The following SFTPD variants were observed in gnomAD, a reference collection of about 807,000 sequenced individuals.
SFTPD encodes the protein surfactant protein D.
In SFTPD, 18 loss-of-function variants were observed where a neutral mutation model predicts 34.6. The observed-to-expected ratio is 0.52, with a 90% CI of 0.36 to 0.77. SFTPD has a LOEUF of 0.77. SFTPD is among the 30% of genes least tolerant of loss of function. The pLI, the probability that SFTPD is intolerant of heterozygous loss-of-function variation, is 0.00. For synonymous variants in SFTPD, 155 were observed against 180.9 expected, an observed-to-expected ratio of 0.86 and a Z score of 1.15; for missense variants, 433 against 468.9, an observed-to-expected ratio of 0.92 and a Z score of 0.71.
At chr10:79,952,429 A>C (rs1213786241), upstream of SFTPD, among the ~76,000 whole-genome samples, 1 of 152,108 alleles carries the variant, frequency 6.6e-6, no homozygotes, top group East Asian at 1.9e-4. Context: ...CTGGTGCAGA[A>C]CCACACTCCT....
chr10:79,950,931 C>A (rs1842706244), upstream of SFTPD: 1 of 151,938 alleles, frequency 6.6e-6, no homozygotes, highest in African/African-American at 2.4e-5. Flanking sequence ...AAATGACTGG[C>A]CTTCAGGCTC....
At chr10:79,977,634 G>C (rs1842870229) in intron 1 of SFTPD, among the ~76,000 whole-genome samples, 1 of 152,192 alleles carries the variant, frequency 6.6e-6, no homozygotes, top group Non-Finnish European at 1.5e-5. Context: ...TCAGGTATCT[G>C]TGGTGAAAGA....
At chr10:79,954,039 T>A (rs10788321), upstream of SFTPD, among the ~76,000 whole-genome samples, 22,154 of 151,768 alleles carry the variant, frequency 0.15, 2,040 homozygotes, top group East Asian at 0.41. Flanking sequence ...TTCTTTGTTA[T>A]ACTTCTAATT....
At chr10:79,953,199 C>G (rs1842720699), upstream of SFTPD, among the ~76,000 whole-genome samples, 1 of 152,200 alleles carries the variant, frequency 6.6e-6, no homozygotes, top group Non-Finnish European at 1.5e-5. Flanking sequence ...CTCTACTTGT[C>G]TTTATAATTA....
chr10:79,937,960 C>G lies in SFTPD; in HGVS notation c.1020G>C (p.Gly340=). ...CTGACCCGCCATCATCGTTGGGCTC[C>G]CCTGGGGCCCAGTTGGAATAGACCA... ...ESLVYSNWAP[G]EPNDDGGSED... is the part of the protein sequence containing the mutation. The change falls in exon 8 of 8, where the codon GGG becomes GGC. Residue 340 remains glycine, a synonymous_variant. Transcript: ENST00000372292. The G allele has an allele frequency of 6.2e-7, 1 of 1,613,486 alleles. No homozygotes were observed. The highest frequency in any genetic ancestry group is 8.5e-7 in the Non-Finnish European group (1 of 1,179,552).
At chr10:79,968,461 C>CTA (rs1410975215) in intron 1 of SFTPD, 1 of 152,132 alleles carries the variant, frequency 6.6e-6, no homozygotes, top group Non-Finnish European at 1.5e-5. Flanking sequence ...TAATGGCCTC[C>CTA]AGTTCTATCC....
In SFTPD at chr10:79,965,049, T is replaced by C. The variant is rs1366792099; in HGVS notation, c.36+17526A>G. Among the ~76,000 whole-genome samples the C allele has an allele frequency of 2.0e-5, 3 of 152,298 alleles. No individual in the cohort carries two copies. The East Asian group carries it at 5.8e-4, about 29-fold the overall frequency. ...TCAGTGGAATCTTCATACACTTTAC[T>C]GTCCTCAATCTTCAGGAAAGGTAGA... is the stretch of plus-strand genomic sequence containing the variant. On this transcript the variant is annotated intron_variant, in intron 1 of 5. Coordinates refer to the SFTPD transcript ENST00000444384.
chr10:79,945,996 C>G (rs1842661169), intron 2 of SFTPD, among the ~76,000 whole-genome samples: 1 of 152,194 alleles, frequency 6.6e-6, no homozygotes, highest in South Asian at 2.1e-4. Context: ...TGCCTTTTCT[C>G]CCCGTGTAAT....
chr10:79,943,772 G>C (rs185736888), intron 2 of SFTPD, among the ~76,000 whole-genome samples: 5 of 152,320 alleles, frequency 3.3e-5, no homozygotes, highest in Admixed American at 3.3e-4. Context: ...TCCTTATTAG[G>C]GATGAAATGG....
chr10:79,979,969 C>T (rs1842881718), intron 1 of SFTPD, among the ~76,000 whole-genome samples: 1 of 152,168 alleles, frequency 6.6e-6, no homozygotes, highest in African/African-American at 2.4e-5. Context: ...AGTCCTGAAG[C>T]CCCAATTCTA....
At chr10:79,942,595 A>G (rs1842625262) in intron 3 of SFTPD, 91 bp from the exon 4 acceptor site, 2 of 983,654 alleles carry the variant, frequency 2.0e-6, no homozygotes, top group Non-Finnish European at 3.3e-6. Flanking sequence ...GAGGTAAGGG[A>G]GGCAGCATTG....
chr10:79,959,927 C>T (rs1052079058), intron 1 of SFTPD, among the ~76,000 whole-genome samples: 76 of 152,230 alleles, frequency 5.0e-4, no homozygotes, highest in African/African-American at 1.7e-3. Flanking sequence ...TCCAGCAGCA[C>T]GTCAAAAAGC....
chr10:79,942,123 G>A, intron 4 of SFTPD, 53 bp from the exon 5 acceptor site: 2 of 1,360,926 alleles, frequency 1.5e-6, no homozygotes, highest in Non-Finnish European at 2.1e-6. Flanking sequence ...TTCAGCAGGT[G>A]TGGTTTTGTT....
chr10:79,968,025 CAG>C (rs774833010), intron 1 of SFTPD, among the ~76,000 whole-genome samples: 13 of 138,624 alleles, frequency 9.4e-5, no homozygotes, highest in African/African-American at 1.9e-4. Context: ...CCTTATTGCT[CAG>C]AAAAAAAAAA....
intron 1 of SFTPD, among the ~76,000 whole-genome samples, chr10:79,958,170 C>A (rs1301765540): frequency 6.6e-6 from 1 of 152,202 alleles, no homozygotes; most frequent in Non-Finnish European, 1.5e-5. Flanking sequence ...TGGAAAGGAA[C>A]AACTGGTACC....
chr10:79,972,310 C>G (rs78648004), intron 1 of SFTPD: 1 of 152,168 alleles, frequency 6.6e-6, no homozygotes, highest in African/African-American at 2.4e-5. Context: ...CCAGCCTGAC[C>G]AACATAGTGA....
chr10:79,953,942 T>G (rs904218434), upstream of SFTPD, among the ~76,000 whole-genome samples: 22 of 152,028 alleles, frequency 1.4e-4, no homozygotes, highest in Admixed American at 2.0e-4. Context: ...AATCTCCTGT[T>G]GAAGTGCTCT....
intron 2 of SFTPD, among the ~76,000 whole-genome samples, chr10:79,943,366 C>CT (rs1373894658): frequency 1.3e-5 from 2 of 152,190 alleles, no homozygotes; most frequent in African/African-American, 4.8e-5. Context: ...CAAATCTGAG[C>CT]TTAGCCTCAG....
At chr10:79,972,825 G>A (rs531635614) in intron 1 of SFTPD, 60 of 152,318 alleles carry the variant, frequency 3.9e-4, no homozygotes, top group African/African-American at 1.4e-3. Context: ...CTTTTGGCAA[G>A]TTCAAAAGTC....
Sources: gnomAD v4.1 joint callset for allele counts (sites outside exome capture counted in the v4.1 genomes callset) on GRCh38, gnomAD v4.1.1 for gene constraint, MANE v1.5 for transcripts, NCBI Gene and HGNC (gene_info 2026-07-23, HGNC 2026-07-21) for gene names.